The following DACH1 variants were observed in gnomAD, a reference collection of about 807,000 sequenced individuals.
DACH1 encodes the protein dachshund homolog 1.
A neutral mutation model predicts 54.2 loss-of-function variants in DACH1; 12 were observed. The observed-to-expected ratio is 0.22, with a 90% CI of 0.14 to 0.36. The LOEUF (loss-of-function observed/expected upper bound fraction) is 0.36, where lower values mean the gene tolerates loss of function less well. Among genes scored for constraint, DACH1 ranks in the 10% least tolerant of loss-of-function variants. The pLI, the probability that DACH1 is intolerant of heterozygous loss-of-function variation, is 1.00. For missense variants in DACH1, 805 were observed against 929.8 expected, an observed-to-expected ratio of 0.87 and a Z score of 1.75; for synonymous variants, 386 against 366.2, an observed-to-expected ratio of 1.05 and a Z score of -0.62.
chr13:71,817,579 A>G (rs1888008892), intron 1 of DACH1, among the ~76,000 whole-genome samples: 1 of 152,182 alleles, frequency 6.6e-6, no homozygotes, highest in South Asian at 2.1e-4. Context: ...GACTTCTTGA[A>G]ATGTCTGGGT....
intron 2 of DACH1, among the ~76,000 whole-genome samples, chr13:71,653,389 G>C (rs1038811895): frequency 6.6e-6 from 1 of 152,074 alleles, no homozygotes. Context: ...AAGTATGACC[G>C]TCAGTCAATT....
chr13:71,821,625 A>T (rs1388306302), intron 1 of DACH1, among the ~76,000 whole-genome samples: 1 of 152,142 alleles, frequency 6.6e-6, no homozygotes, highest in African/African-American at 2.4e-5. Flanking sequence ...ATGCATTTAG[A>T]TGATGAGAGT....
At chr13:71,674,842 G>A (rs1880451959) in intron 2 of DACH1, among the ~76,000 whole-genome samples, 1 of 126,736 alleles carries the variant, frequency 7.9e-6, no homozygotes, top group Non-Finnish European at 1.7e-5. Flanking sequence ...AAGTACAAAG[G>A]GAACATGTAC....
chr13:71,816,577 T>C (rs1248453276), intron 1 of DACH1, among the ~76,000 whole-genome samples: 4 of 141,346 alleles, frequency 2.8e-5, no homozygotes, highest in African/African-American at 8.1e-5. Flanking sequence ...TGTATATATA[T>C]ACACGTATAT....
intron 1 of DACH1, among the ~76,000 whole-genome samples, chr13:71,747,349 C>T (rs1000067434): frequency 6.6e-6 from 1 of 152,124 alleles, no homozygotes; most frequent in African/African-American, 2.4e-5. Context: ...GAGGCCAAGG[C>T]AGGCGGATCA....
intron 10 of DACH1, among the ~76,000 whole-genome samples, chr13:71,448,794 A>G (rs1056866888): frequency 5.3e-5 from 8 of 150,940 alleles, no homozygotes; most frequent in Non-Finnish European, 1.2e-4. Flanking sequence ...TTAAAAAGTA[A>G]AAACTGAAAA....
At chr13:71,784,663 T>C (rs1475099905) in intron 1 of DACH1, among the ~76,000 whole-genome samples, 1 of 152,124 alleles carries the variant, frequency 6.6e-6, no homozygotes, top group African/African-American at 2.4e-5. Context: ...CCCTTTTCTT[T>C]ATATATTAGA....
At chr13:71,721,451 T>C (rs1883225601) in intron 1 of DACH1, among the ~76,000 whole-genome samples, 2 of 152,132 alleles carry the variant, frequency 1.3e-5, no homozygotes, top group Non-Finnish European at 2.9e-5. Flanking sequence ...TAAATGCCAC[T>C]TTTACTCATT....
At chr13:71,474,868 C>G (rs984229631) in intron 10 of DACH1, among the ~76,000 whole-genome samples, 11 of 152,190 alleles carry the variant, frequency 7.2e-5, no homozygotes, top group Non-Finnish European at 1.6e-4. Flanking sequence ...TTCAATAAAG[C>G]ACATTTACTG....
chr13:71,600,565 G>A (rs1033989220), intron 3 of DACH1, among the ~76,000 whole-genome samples: 1 of 151,676 alleles, frequency 6.6e-6, no homozygotes, highest in Non-Finnish European at 1.5e-5. Flanking sequence ...GAAGGATCCA[G>A]GAAATCATTT....
intron 10 of DACH1, chr13:71,464,483 G>T: frequency 3.0e-6 from 1 of 335,728 alleles, no homozygotes; most frequent in South Asian, 2.4e-5. Flanking sequence ...TTTTAATGAA[G>T]ATGAGAAGTT....
intron 2 of DACH1, among the ~76,000 whole-genome samples, chr13:71,660,045 A>G (rs1879389265): frequency 6.6e-6 from 1 of 152,158 alleles, no homozygotes; most frequent in Non-Finnish European, 1.5e-5. Context: ...CCATGACTGA[A>G]ACAACTATAA....
chr13:71,501,626 C>T (rs867148686), intron 6 of DACH1, among the ~76,000 whole-genome samples: 2 of 152,038 alleles, frequency 1.3e-5, no homozygotes, highest in Non-Finnish European at 2.9e-5. Context: ...TATGGGAATT[C>T]AGTACTCTTC....
Position 71,735,317 on chromosome 13 carries a change from TGGGATATACACGTATAC to T in DACH1, c.849-53424_849-53408del, listed in dbSNP as rs1884007417. Reference sequence around the variant, plus strand: ...CACGTATACGGGATATACGTGTATATGGGATATACACGTATACGGGATATACGTGTATATGGGATATA... The same window carrying T: ...CACGTATACGGGATATACGTGTATATGGGATATACGTGTATATGGGATATA... On this transcript the variant is annotated intron_variant, in intron 1 of 10. Transcript: ENST00000613252. 6.8e-5 allele frequency among the ~76,000 whole-genome samples: 3 copies of T among 44,328 alleles called. 1 individual carries two copies. The highest frequency in any genetic ancestry group is 2.2e-4 in the African/African-American group (3 of 13,442). 29.1% of individuals were successfully genotyped at this position (44,328 alleles called of 152,430 possible). A position where few individuals can be genotyped will look rare whatever the true frequency, so the allele number is the denominator to read the frequency against.
intron 2 of DACH1, among the ~76,000 whole-genome samples, chr13:71,660,582 C>T (rs993299137): frequency 1.3e-5 from 2 of 152,006 alleles, no homozygotes; most frequent in African/African-American, 4.8e-5. Context: ...CATTATCTGG[C>T]TGATTTTCAG....
intron 1 of DACH1, among the ~76,000 whole-genome samples, chr13:71,856,038 T>C (rs991454834): frequency 2.0e-5 from 3 of 151,988 alleles, no homozygotes; most frequent in Non-Finnish European, 4.4e-5. Flanking sequence ...TGCAAAATTT[T>C]GATGGCACTT....
At chr13:71,856,371 A>C (rs1205175829) in intron 1 of DACH1, among the ~76,000 whole-genome samples, 1 of 151,980 alleles carries the variant, frequency 6.6e-6, no homozygotes, top group Non-Finnish European at 1.5e-5. Context: ...GTAAGAAAAA[A>C]ATCAGTGAAC....
At chr13:71,520,148 T>C (rs1881486303) in intron 6 of DACH1, among the ~76,000 whole-genome samples, 1 of 151,458 alleles carries the variant, frequency 6.6e-6, no homozygotes, top group Non-Finnish European at 1.5e-5. Flanking sequence ...GTTTCTTCCA[T>C]GTTTTGTCAT....
intron 4 of DACH1, among the ~76,000 whole-genome samples, chr13:71,561,957 G>A (rs368357337): frequency 4.7e-5 from 7 of 149,130 alleles, no homozygotes; most frequent in African/African-American, 1.7e-4. Context: ...ATATTCCATG[G>A]AATTAAAAAA....
Sources: gnomAD v4.1 joint callset for allele counts (sites outside exome capture counted in the v4.1 genomes callset) on GRCh38, gnomAD v4.1.1 for gene constraint, MANE v1.5 for transcripts, NCBI Gene and HGNC (gene_info 2026-07-23, HGNC 2026-07-21) for gene names.